The following EEA1 variants were observed in gnomAD, a reference collection of about 807,000 sequenced individuals.
EEA1 encodes early endosome antigen 1.
A neutral mutation model predicts 209.2 loss-of-function variants in EEA1; 111 were observed. The ratio of observed to expected loss-of-function variants is 0.53; its 90% confidence interval spans 0.45 to 0.62. The LOEUF (loss-of-function observed/expected upper bound fraction) is 0.62. Ranked by LOEUF, EEA1 falls within the 20% of genes least tolerant of loss-of-function variation. EEA1 has a pLI of 0.00. For missense variants in EEA1, 1,343 were observed against 1,530.8 expected (o/e 0.88, Z 2.05); for synonymous variants, 536 against 540.6 (o/e 0.99, Z 0.12).
chr12:92,909,638 C>T (rs1490340508), intron 1 of EEA1, among the ~76,000 whole-genome samples: 4 of 152,184 alleles, frequency 2.6e-5, no homozygotes, highest in Non-Finnish European at 5.9e-5. Flanking sequence ...TAAAAGGTGA[C>T]TAGGTCATGG....
chr12:92,853,029 C>A lies in EEA1; in HGVS notation c.407-4G>T. 6.4e-7 allele frequency: 1 copy of A among 1,564,034 alleles called. No homozygotes were observed. The highest frequency in any genetic ancestry group is 8.7e-7 in the Non-Finnish European group (1 of 1,146,684). ...TGCTGTTCCAAAGACTGTAGTTCTACAAAAAAGTGTCGCAGTTATTCAAAT... is the reference window on the plus strand; with the variant it reads ...TGCTGTTCCAAAGACTGTAGTTCTAAAAAAAAGTGTCGCAGTTATTCAAAT... On this transcript the variant is annotated splice_polypyrimidine_tract_variant and splice_region_variant and intron_variant, in intron 6 of 28. Coordinates refer to ENST00000322349, the MANE Select transcript of EEA1 (RefSeq NM_003566.4).
intron 3 of EEA1, among the ~76,000 whole-genome samples, chr12:92,860,662 G>A (rs536392695): frequency 6.0e-4 from 91 of 152,284 alleles, no homozygotes; most frequent in African/African-American, 2.0e-3. Flanking sequence ...TTTGGCTGGT[G>A]TTAACAGAAG....
At chr12:92,865,671 T>C (rs1407391612) in intron 2 of EEA1, among the ~76,000 whole-genome samples, 2 of 152,068 alleles carry the variant, frequency 1.3e-5, no homozygotes, top group African/African-American at 4.8e-5. Context: ...TTGCAATTCA[T>C]TAATGAATTA....
At chr12:92,810,876 A>G (rs904918719) in intron 17 of EEA1, among the ~76,000 whole-genome samples, 2 of 152,080 alleles carry the variant, frequency 1.3e-5, no homozygotes, top group African/African-American at 4.8e-5. Context: ...ATAAAGTTCT[A>G]AAAAGGAAAA....
At chr12:92,795,138 C>A (rs1874604062) in intron 21 of EEA1, among the ~76,000 whole-genome samples, 2 of 152,174 alleles carry the variant, frequency 1.3e-5, no homozygotes, top group African/African-American at 4.8e-5. Context: ...ATAAAATATA[C>A]CATTCTGTTA....
chr12:92,781,970 G>A lies in EEA1; in HGVS notation c.3316C>T (p.Gln1106Ter). 1 of 1,612,106 alleles carries A rather than the reference G, an allele frequency of 6.2e-7. No homozygotes were observed. The highest frequency in any genetic ancestry group is 8.5e-7 in the Non-Finnish European group (1 of 1,178,724). Residue 1106 changes from glutamine (Q) to a stop codon, truncating the protein, a stop_gained, in exon 23 of 29, where the codon CAA becomes TAA. Transcript: ENST00000322349. LOFTEE classifies it high-confidence loss of function. ...QQLQERCKAL[Q>*]DIQKEKSLKE... The stretch of plus-strand genomic sequence containing the variant: ...AATACCTTTTCTTTCTGAATGTCTT[G>A]TAGTGCTTTACATCGCTCCTGCAAT...
intron 1 of EEA1, among the ~76,000 whole-genome samples, chr12:92,916,264 T>C (rs1271431777): frequency 6.6e-6 from 1 of 152,136 alleles, no homozygotes; most frequent in Non-Finnish European, 1.5e-5. Context: ...TATTTAAGTC[T>C]TAAACTCACT....
chr12:92,771,768 G>T lies in EEA1; in HGVS notation c.*4243C>A, dbSNP rs1231159583. The stretch of plus-strand genomic sequence containing the variant: ...TCGGAGGTGAGCAGTGGACTAGGAT[G>T]AGGTGGCCTCTCAAATTCCTTTAGT... On this transcript the variant is annotated 3_prime_UTR_variant, in exon 29 of 29. Transcript: ENST00000322349. The T allele has an allele frequency of 6.6e-6, 1 of 152,026 alleles. No individual in the cohort carries two copies. Among genetic ancestry groups the T allele is most frequent in the Non-Finnish European group, 1.5e-5 (1 of 67,912 alleles). 9.4% of individuals were successfully genotyped at this position (152,026 alleles called of 1,614,324 possible).
At chr12:92,836,165 A>G (rs1367916210) in intron 10 of EEA1, among the ~76,000 whole-genome samples, 2 of 152,242 alleles carry the variant, frequency 1.3e-5, no homozygotes, top group African/African-American at 4.8e-5. Context: ...GTCAAATGGT[A>G]GAATCATGGA....
chr12:92,780,804 G>A (rs1318452275), intron 23 of EEA1, among the ~76,000 whole-genome samples: 27 of 152,092 alleles, frequency 1.8e-4, no homozygotes, highest in Admixed American at 1.8e-3. Flanking sequence ...TCTAGGTGAA[G>A]AAACAAAGGT....
At chr12:92,838,173 T>C (rs189709080) in intron 10 of EEA1, among the ~76,000 whole-genome samples, 3 of 152,350 alleles carry the variant, frequency 2.0e-5, no homozygotes, top group East Asian at 3.9e-4. Context: ...CTTGATTCTA[T>C]GTATTAATCA....
rs965307104 is a variant in EEA1 at position 92,848,747 on chromosome 12, T to C, written c.798+2364A>G. On this transcript the variant is annotated intron_variant, in intron 9 of 28. Transcript: ENST00000322349. The stretch of plus-strand genomic sequence containing the variant: ...CTTTTTTTTTTTTTTTTTTTTTTTT[T>C]TTTGAAACAGGGTCTGCCTCTATCG... 1.0e-4 allele frequency among the ~76,000 whole-genome samples: 15 copies of C among 143,214 alleles called. No individual in the cohort carries two copies. The Admixed American group carries it at 1.1e-3, about 10-fold the overall frequency. The allele number at this position is 143,214 out of a possible 152,430, so 94.0% of individuals were successfully genotyped here. A position where few individuals can be genotyped will look rare whatever the true frequency, so the allele number is the denominator to read the frequency against.
At chr12:92,928,745 G>A (rs1881306941) in intron 1 of EEA1, among the ~76,000 whole-genome samples, 1 of 152,106 alleles carries the variant, frequency 6.6e-6, no homozygotes, top group African/African-American at 2.4e-5. Flanking sequence ...GTTCCCGGGA[G>A]GAACGCGCCG....
chr12:92,852,528 A>C (rs924853271), intron 7 of EEA1, among the ~76,000 whole-genome samples: 1 of 152,144 alleles, frequency 6.6e-6, no homozygotes, highest in East Asian at 1.9e-4. Context: ...TAATGTACTT[A>C]ATCACATATT....
At position 92,851,097 on chromosome 12, in the gene EEA1, A is replaced by G. The variant is rs150723432; in HGVS notation, c.798+14T>C. The G allele has an allele frequency of 7.9e-3, 12,721 of 1,612,320 alleles. 756 individuals carry two copies. The South Asian group carries it at 0.11, about 14-fold the overall frequency. On this transcript the variant is annotated intron_variant, in intron 9 of 28. Transcript: ENST00000322349. Reference sequence around the variant, plus strand: ...CTAATATGAATCACATTTAAGTACAATGAACTTCATTACCTCTGAGCTAGC... The same window carrying G: ...CTAATATGAATCACATTTAAGTACAGTGAACTTCATTACCTCTGAGCTAGC...
chr12:92,851,343 C>T, intron 8 of EEA1, 77 bp from the exon 9 acceptor site: 1 of 1,356,854 alleles, frequency 7.4e-7, no homozygotes, highest in Non-Finnish European at 1.0e-6. Context: ...CATTTCACTA[C>T]AAAGGAATCA....
chr12:92,780,544 C>A (rs1873860355), intron 23 of EEA1, 133 bp from the exon 24 acceptor site: 1 of 571,682 alleles, frequency 1.7e-6, no homozygotes, highest in South Asian at 2.5e-5. Flanking sequence ...AAATTACTTA[C>A]CCTCTCTTGG....
intron 21 of EEA1, among the ~76,000 whole-genome samples, chr12:92,790,004 A>G (rs1374422144): frequency 2.0e-5 from 3 of 152,238 alleles, no homozygotes; most frequent in Admixed American, 2.0e-4. Context: ...AGGCAAACAG[A>G]GTCTGGAGTG....
rs944955520 is a variant in EEA1 at position 92,800,362 on chromosome 12, C to T, written c.2772+1238G>A. 1.8e-3 allele frequency among the ~76,000 whole-genome samples: 267 copies of T among 152,270 alleles called. 1 individual carries two copies. Among genetic ancestry groups the T allele is most frequent in the Non-Finnish European group, 8.8e-5 (6 of 68,030 alleles). On this transcript the variant is annotated intron_variant, in intron 20 of 28. Transcript: ENST00000322349. ...ATCATACAGAAGTCACACTGAAGTT[C>T]CTCTGTCACCAAGGTAAACCACTAT...
Sources: allele counts gnomAD v4.1 joint callset (sites outside exome capture counted in the v4.1 genomes callset), GRCh38; gene constraint gnomAD v4.1.1; transcripts MANE v1.5; gene names NCBI Gene and HGNC (gene_info 2026-07-23, HGNC 2026-07-21).